Variants in MAGI2 observed in about 807,000 individuals in gnomAD.
MAGI2 encodes the protein membrane-associated guanylate kinase, WW and PDZ domain-containing protein 2.
MAGI2 carries 35 observed loss-of-function variants against 133.3 expected under a neutral mutation model. The ratio of observed to expected loss-of-function variants is 0.26; its 90% CI spans 0.20 to 0.35. The LOEUF (loss-of-function observed/expected upper bound fraction) is 0.35. Ranked by LOEUF, MAGI2 falls within the 10% of genes least tolerant of loss-of-function variation. The pLI is 1.00. For missense variants in MAGI2, 1,636 were observed against 1,863.4 expected (o/e 0.88, Z 2.25); for synonymous variants, 729 against 710.6 (o/e 1.03, Z -0.41).
At chr7:78,584,784 T>A (rs892058580) in intron 3 of MAGI2, among the ~76,000 whole-genome samples, 10 of 152,326 alleles carry the variant, frequency 6.6e-5, no homozygotes, top group African/African-American at 2.4e-4. Flanking sequence ...AAACCTTGGC[T>A]CAAATCCTGA....
intron 1 of MAGI2, among the ~76,000 whole-genome samples, chr7:79,259,737 T>C (rs1014297971): frequency 6.6e-6 from 1 of 152,230 alleles, no homozygotes; most frequent in African/African-American, 2.4e-5. Flanking sequence ...TTTATCAATT[T>C]TGAATGTTCA....
At chr7:78,045,667 C>G (rs1811345395) in intron 21 of MAGI2, among the ~76,000 whole-genome samples, 2 of 152,186 alleles carry the variant, frequency 1.3e-5, no homozygotes, top group Admixed American at 1.3e-4. Context: ...ATATGTGAGA[C>G]AAGCCCTCTT....
intron 11 of MAGI2, among the ~76,000 whole-genome samples, chr7:78,197,183 T>C (rs1391324676): frequency 3.9e-5 from 6 of 152,262 alleles, no homozygotes; most frequent in Non-Finnish European, 7.3e-5. Context: ...TCATCCATTC[T>C]GGGTGAACTT....
intron 3 of MAGI2, among the ~76,000 whole-genome samples, chr7:78,585,363 C>A (rs1230255119): frequency 1.3e-5 from 2 of 152,196 alleles, no homozygotes; most frequent in African/African-American, 4.8e-5. Context: ...TCCAAATAGG[C>A]ACTGACCATC....
chr7:78,513,040 AC>A lies in MAGI2; in HGVS notation c.754+8389del, dbSNP rs566467136. Among the ~76,000 whole-genome samples the A allele has an allele frequency of 1.4e-3, 211 of 152,278 alleles. 1 individual carries two copies. Among genetic ancestry groups the A allele is most frequent in the Non-Finnish European group, 2.4e-3 (165 of 68,022 alleles). On this transcript the variant is annotated intron_variant, in intron 4 of 21. Transcript: ENST00000354212. ...AAACTTTGGGGTGAAAGAAACTGAT[AC>A]AAATGTTGACATACTTAAAAAACCA...
chr7:79,246,975 A>G (rs1379464952), intron 1 of MAGI2, among the ~76,000 whole-genome samples: 1 of 152,200 alleles, frequency 6.6e-6, no homozygotes, highest in Admixed American at 6.5e-5. Context: ...TGGAAACCTT[A>G]TAAGCCAGAA....
Position 78,521,611 on chromosome 7 carries a change from T to A in MAGI2, c.573A>T (p.Glu191Asp), listed in dbSNP as rs752622897. ...TTACATTTAACAATAATGGTGCTGG[T>A]TCTGCTGGCGGCTTTGGGGTACCGT... ...NYYGTPKPPA[E>D]PAPLLLNVTD... Residue 191 changes from glutamate to aspartate, a missense_variant, in exon 4 of 22, where the codon GAA (glutamate) becomes GAT (aspartate). Coordinates refer to ENST00000354212, the MANE Select transcript of MAGI2 (RefSeq NM_012301.4). 2.5e-6 allele frequency: 4 copies of A among 1,614,162 alleles called. No individual in the cohort carries two copies. Among genetic ancestry groups the A allele is most frequent in the Non-Finnish European group, 3.4e-6 (4 of 1,180,018 alleles).
At chr7:78,540,213 T>A (rs1798298019) in intron 3 of MAGI2, among the ~76,000 whole-genome samples, 1 of 152,208 alleles carries the variant, frequency 6.6e-6, no homozygotes, top group African/African-American at 2.4e-5. Context: ...GGGGCAGGGT[T>A]AGGCCTGTCT....
intron 6 of MAGI2, among the ~76,000 whole-genome samples, chr7:78,446,213 A>G (rs1284922001): frequency 3.3e-5 from 5 of 151,956 alleles, no homozygotes; most frequent in African/African-American, 1.2e-4. Context: ...GCAATTTTTA[A>G]TGAGATACAA....
chr7:78,269,305 A>C (rs1350419365), intron 9 of MAGI2, among the ~76,000 whole-genome samples: 1 of 152,188 alleles, frequency 6.6e-6, no homozygotes, highest in Non-Finnish European at 1.5e-5. Context: ...ACAACCAGTA[A>C]TGGGATTGTT....
intron 2 of MAGI2, among the ~76,000 whole-genome samples, chr7:78,732,206 G>A (rs1266967973): frequency 1.3e-5 from 2 of 152,124 alleles, no homozygotes; most frequent in African/African-American, 4.8e-5. Flanking sequence ...TGATAAAAGA[G>A]TACCTTCTGT....
intron 2 of MAGI2, among the ~76,000 whole-genome samples, chr7:78,839,078 T>G (rs2052405): frequency 0.42 from 64,360 of 151,530 alleles, 13,983 homozygotes; most frequent in East Asian, 0.73. Context: ...AGAAAGGGAT[T>G]TAGTGAGGGT....
In MAGI2 at chr7:78,576,944, A is replaced by G. The variant is rs536037797; in HGVS notation, c.538+50176T>C. The stretch of plus-strand genomic sequence containing the variant: ...TTAAGCCCTGTCTCTACTAAAACAA[A>G]CAAGCAAGCAAACAAAACAAAAAAC... On this transcript the variant is annotated intron_variant, in intron 3 of 21. Transcript: ENST00000354212. 2.4e-4 allele frequency among the ~76,000 whole-genome samples: 36 copies of G among 152,216 alleles called. 1 individual carries two copies. In the South Asian group the frequency reaches 4.6e-3, roughly 19 times the overall value.
At position 78,577,815 on chromosome 7, in the gene MAGI2, C is replaced by T. The variant is rs145762768; in HGVS notation, c.538+49305G>A. On this transcript the variant is annotated intron_variant, in intron 3 of 21. Transcript: ENST00000354212. ...TGTCATCAGTTAAGGCAGAAACTGG[C>T]GATCTGGATGTGTACGTGCAGGTCA... Among the ~76,000 whole-genome samples, 779 of 152,104 alleles carry T rather than the reference C, an allele frequency of 5.1e-3. 5 individuals are homozygous for T. Among genetic ancestry groups the T allele is most frequent in the African/African-American group, 0.018 (738 of 41,496 alleles).
At chr7:79,323,771 G>A (rs1471571973) in intron 1 of MAGI2, among the ~76,000 whole-genome samples, 1 of 152,156 alleles carries the variant, frequency 6.6e-6, no homozygotes. Flanking sequence ...TTTCAGGTGA[G>A]AAATGATGAA....
At chr7:79,054,876 C>T (rs117800177) in intron 1 of MAGI2, among the ~76,000 whole-genome samples, 2,727 of 152,274 alleles carry the variant, frequency 0.018, 95 homozygotes, top group East Asian at 0.15. Flanking sequence ...CCATAACCTC[C>T]GCCTCCCAGG....
chr7:79,197,886 T>C (rs948319508), intron 1 of MAGI2, among the ~76,000 whole-genome samples: 2 of 151,848 alleles, frequency 1.3e-5, no homozygotes, highest in Non-Finnish European at 2.9e-5. Flanking sequence ...AAAGACCCCA[T>C]CTCTTAATAT....
intron 21 of MAGI2, among the ~76,000 whole-genome samples, chr7:78,021,744 G>A (rs564144082): frequency 6.6e-6 from 1 of 152,238 alleles, no homozygotes; most frequent in African/African-American, 2.4e-5. Flanking sequence ...AGAAGTCCTG[G>A]AATCTAATCC....
intron 2 of MAGI2, among the ~76,000 whole-genome samples, chr7:78,942,431 C>G (rs951137883): frequency 1.3e-5 from 2 of 152,046 alleles, no homozygotes; most frequent in Non-Finnish European, 2.9e-5. Context: ...TTCTTGCATT[C>G]TCTTACCATG....
Sources: gnomAD v4.1 joint callset for allele counts (sites outside exome capture counted in the v4.1 genomes callset) on GRCh38, gnomAD v4.1.1 for gene constraint, MANE v1.5 for transcripts, NCBI Gene and HGNC (gene_info 2026-07-23, HGNC 2026-07-21) for gene names.